Variants in ZFHX3 observed in about 807,000 individuals in gnomAD.
ZFHX3 encodes zinc finger homeobox protein 3.
A neutral mutation model predicts 279.1 loss-of-function variants in ZFHX3; 42 were observed. The ratio of observed to expected loss-of-function variants is 0.15; its 90% CI spans 0.12 to 0.19. ZFHX3 has a LOEUF of 0.19. Ranked by LOEUF, ZFHX3 falls within the 10% of genes least tolerant of loss-of-function variation. The probability of loss-of-function intolerance (pLI) is 1.00; values close to 1 mark genes in which losing one functional copy is unlikely to be tolerated. For missense variants in ZFHX3, 4,981 were observed against 4,754.0 expected, an observed-to-expected ratio of 1.05 and a Z score of -1.40; for synonymous variants, 2,293 against 1,957.8, an observed-to-expected ratio of 1.17 and a Z score of -4.52.
At chr16:73,125,473 G>C (rs988037717) in intron 7 of ZFHX3, 5 of 152,084 alleles carry the variant, frequency 3.3e-5, no homozygotes, top group African/African-American at 1.2e-4. Context: ...CTGTGAGGGT[G>C]TTGCAGAAGG....
intron 1 of ZFHX3, among the ~76,000 whole-genome samples, chr16:73,688,861 G>C (rs139282527): frequency 2.0e-5 from 3 of 152,062 alleles, no homozygotes; most frequent in African/African-American, 7.2e-5. Context: ...TTTTATAAAG[G>C]GGAGCTTCCC....
intron 5 of ZFHX3, among the ~76,000 whole-genome samples, chr16:72,825,515 T>G (rs1055582923): frequency 2.0e-5 from 3 of 152,206 alleles, no homozygotes; most frequent in Non-Finnish European, 1.5e-5. Flanking sequence ...GTGCTAGAGA[T>G]TCTTACCTTC....
At chr16:73,727,566 G>A (rs2053530120) in intron 1 of ZFHX3, among the ~76,000 whole-genome samples, 2 of 152,206 alleles carry the variant, frequency 1.3e-5, no homozygotes, top group Admixed American at 1.3e-4. Flanking sequence ...GGGATAAAAT[G>A]AGACCAGTTC....
At chr16:73,202,740 G>C (rs2011652719) in intron 5 of ZFHX3, among the ~76,000 whole-genome samples, 1 of 151,832 alleles carries the variant, frequency 6.6e-6, no homozygotes, top group African/African-American at 2.4e-5. Flanking sequence ...ACATCTCTTT[G>C]CCTTTGATTT....
Position 73,437,380 on chromosome 16 carries a change from A to G in ZFHX3, c.-1291+18623T>C, listed in dbSNP as rs147130305. Among the ~76,000 whole-genome samples the G allele has an allele frequency of 5.9e-4, 90 of 152,330 alleles. 2 individuals carry two copies. The East Asian group carries it at 0.017, about 28-fold the overall frequency. On this transcript the variant is annotated intron_variant, in intron 3 of 17. Coordinates refer to the ZFHX3 transcript ENST00000641206. The stretch of plus-strand genomic sequence containing the variant: ...TATACCAATTAACTAATTTTAGGAA[A>G]GGGATTTTGTATAACATGCCTTTTT...
chr16:73,578,987 C>T (rs757771749), intron 2 of ZFHX3, among the ~76,000 whole-genome samples: 1 of 152,166 alleles, frequency 6.6e-6, no homozygotes, highest in Non-Finnish European at 1.5e-5. Flanking sequence ...GGACATGCCT[C>T]GTTACACTCT....
chr16:73,857,973 G>A (rs1183107696), intron 1 of ZFHX3, among the ~76,000 whole-genome samples: 1 of 152,070 alleles, frequency 6.6e-6, no homozygotes, highest in Non-Finnish European at 1.5e-5. Flanking sequence ...TGCCACGCCT[G>A]TAGTACCGGC....
At chr16:73,201,779 A>G (rs942789578) in intron 5 of ZFHX3, among the ~76,000 whole-genome samples, 4 of 152,246 alleles carry the variant, frequency 2.6e-5, no homozygotes, top group Non-Finnish European at 5.9e-5. Flanking sequence ...ATTACATGAA[A>G]TCTCCTTAAG....
intron 4 of ZFHX3, among the ~76,000 whole-genome samples, chr16:73,264,956 A>ATATG (rs1273276482): frequency 1.3e-5 from 2 of 151,108 alleles, no homozygotes; most frequent in African/African-American, 4.9e-5. Flanking sequence ...ATATATATAT[A>ATATG]TGTGTGTATA....
intron 1 of ZFHX3, among the ~76,000 whole-genome samples, chr16:73,808,831 G>A (rs1204420138): frequency 1.3e-5 from 2 of 152,076 alleles, no homozygotes; most frequent in East Asian, 3.9e-4. Flanking sequence ...TAACCTACAA[G>A]GACAGTAACC....
At chr16:72,904,054 C>G (rs2039106565) in intron 3 of ZFHX3, among the ~76,000 whole-genome samples, 1 of 152,200 alleles carries the variant, frequency 6.6e-6, no homozygotes, top group South Asian at 2.1e-4. Flanking sequence ...CCTCAGTTCT[C>G]AGCACAGCTC....
At chr16:73,278,000 C>T (rs1237648600) in intron 4 of ZFHX3, among the ~76,000 whole-genome samples, 5 of 152,132 alleles carry the variant, frequency 3.3e-5, no homozygotes, top group Non-Finnish European at 7.4e-5. Context: ...TATCTGCCCT[C>T]ATGATCCAGT....
intron 4 of ZFHX3, among the ~76,000 whole-genome samples, chr16:72,870,425 A>G (rs1392184958): frequency 6.9e-6 from 1 of 144,590 alleles, no homozygotes; most frequent in Non-Finnish European, 1.5e-5. Flanking sequence ...AAGAAAAAAA[A>G]ACGGCTGGGC....
At chr16:72,808,341 T>TC (rs935873153) in intron 7 of ZFHX3, among the ~76,000 whole-genome samples, 76 of 151,320 alleles carry the variant, frequency 5.0e-4, no homozygotes, top group Non-Finnish European at 9.0e-4. Context: ...GGTTGCTCAT[T>TC]TTTTTTTTCC....
chr16:73,204,429 A>G lies in ZFHX3; in HGVS notation c.-1104+52618T>C, dbSNP rs1254556940. Among the ~76,000 whole-genome samples the G allele has an allele frequency of 2.6e-5, 4 of 152,318 alleles. No individual in the cohort carries two copies. In the East Asian group the frequency reaches 7.7e-4, roughly 29 times the overall value. On this transcript the variant is annotated intron_variant, in intron 5 of 17. Transcript: ENST00000641206. ...GATCATCAGGCATTAGATTCTCACA[A>G]GAAGTGCCCAACCTAGATCCCTCGC...
chr16:73,435,790 T>C (rs1037939157), intron 3 of ZFHX3, among the ~76,000 whole-genome samples: 1 of 152,166 alleles, frequency 6.6e-6, no homozygotes, highest in African/African-American at 2.4e-5. Flanking sequence ...TACTCACCAA[T>C]GAGTCACCCT....
At chr16:73,724,404 G>C (rs1376350397) in intron 1 of ZFHX3, among the ~76,000 whole-genome samples, 2 of 152,166 alleles carry the variant, frequency 1.3e-5, no homozygotes, top group Non-Finnish European at 2.9e-5. Context: ...TTGCTAACTG[G>C]GAGATATTTT....
At chr16:73,389,354 T>C (rs2016965079) in intron 3 of ZFHX3, 1 of 152,250 alleles carries the variant, frequency 6.6e-6, no homozygotes, top group Non-Finnish European at 1.5e-5. Flanking sequence ...ATTTGCTCAC[T>C]GGCACATTAA....
intron 3 of ZFHX3, among the ~76,000 whole-genome samples, chr16:72,895,418 G>A (rs1422040642): frequency 6.6e-6 from 1 of 152,214 alleles, no homozygotes; most frequent in Non-Finnish European, 1.5e-5. Flanking sequence ...AAAAAAGAGT[G>A]AGAACTCAGG....
Sources: allele counts gnomAD v4.1 joint callset (sites outside exome capture counted in the v4.1 genomes callset), GRCh38; gene constraint gnomAD v4.1.1; transcripts MANE v1.5; gene names NCBI Gene and HGNC (gene_info 2026-07-23, HGNC 2026-07-21).